SLF1: variants seen among roughly 807,000 people sequenced by gnomAD.
SLF1 encodes SMC5-SMC6 complex localization factor protein 1.
In SLF1, 105 loss-of-function variants were observed where a neutral mutation model predicts 123.0. The observed-to-expected ratio is 0.85, with a 90% confidence interval of 0.73 to 1.00. The LOEUF is 1.00. Ranked by LOEUF, SLF1 falls within the 50% of genes least tolerant of loss-of-function variation. The probability of loss-of-function intolerance (pLI) is 0.00; values close to 1 mark genes in which losing one functional copy is unlikely to be tolerated. For synonymous variants in SLF1, 434 were observed against 406.6 expected (o/e 1.07, Z -0.81); for missense variants, 1,239 against 1,223.0 (o/e 1.01, Z -0.20).
chr5:94,670,279 A>G lies in SLF1; in HGVS notation c.1661A>G (p.Lys554Arg). The G allele has an allele frequency of 6.8e-7, 1 of 1,474,066 alleles. No homozygotes were observed. The highest frequency in any genetic ancestry group is 1.4e-5 in the South Asian group (1 of 69,624). 91.3% of individuals were successfully genotyped at this position (1,474,066 alleles called of 1,614,324 possible). A position where few individuals can be genotyped will look rare whatever the true frequency, so the allele number is the denominator to read the frequency against. The part of the protein sequence containing the change: ...IESEVQHLSQ[K>R]LYDWSDSQNL... Reference sequence around the variant, plus strand: ...AGTGAAGTACAACATCTGAGTCAAAAGTAAGTTCTAATCGCAAGAATAACA... The same window carrying G: ...AGTGAAGTACAACATCTGAGTCAAAGGTAAGTTCTAATCGCAAGAATAACA... Residue 554 changes from lysine to arginine, a missense_variant and splice_region_variant, in exon 13 of 21, where the codon AAG becomes AGG. Lys to Arg is a conservative substitution (Grantham distance 26). Coordinates refer to ENST00000265140, the MANE Select transcript of SLF1 (RefSeq NM_032290.4).
intron 5 of SLF1, among the ~76,000 whole-genome samples, chr5:94,646,354 G>T (rs1747054812): frequency 6.6e-6 from 1 of 152,066 alleles, no homozygotes; most frequent in South Asian, 2.1e-4. Context: ...TGTATTTCAG[G>T]TTTATAGATA....
intron 1 of SLF1, among the ~76,000 whole-genome samples, chr5:94,627,063 C>T (rs924817301): frequency 3.3e-5 from 5 of 152,166 alleles, no homozygotes; most frequent in Admixed American, 6.5e-5. Flanking sequence ...ATATATATTA[C>T]ATTTACATGT....
intron 1 of SLF1, among the ~76,000 whole-genome samples, chr5:94,619,796 T>C (rs1232543251): frequency 1.3e-5 from 2 of 152,244 alleles, no homozygotes; most frequent in Non-Finnish European, 2.9e-5. Flanking sequence ...ATATTGCAGG[T>C]GTTCAATACC....
chr5:94,695,230 T>G lies in SLF1; in HGVS notation c.3095T>G (p.Leu1032Trp). ...PHILKELPENLKVCPGVHTEA... is the reference protein window; with the variant it reads ...PHILKELPENWKVCPGVHTEA... The stretch of plus-strand genomic sequence containing the variant: ...ATTCTTAAGGAACTGCCTGAGAATT[T>G]GAAAGTGTGTCCTGGGGTACACACT... The change falls in exon 21 of 21, where the codon TTG becomes TGG. Residue 1032 changes from leucine (L) to tryptophan (W), a missense_variant. Transcript: ENST00000265140. 6.2e-7 allele frequency: 1 copy of G among 1,612,612 alleles called. No homozygotes were observed. Among genetic ancestry groups the G allele is most frequent in the Non-Finnish European group, 8.5e-7 (1 of 1,178,942 alleles).
rs972888427 is a variant in SLF1 at position 94,665,846 on chromosome 5, A to G, written c.1369-15A>G. On this transcript the variant is annotated splice_polypyrimidine_tract_variant and intron_variant, in intron 11 of 20. Coordinates refer to ENST00000265140, the MANE Select transcript of SLF1 (RefSeq NM_032290.4). Reference sequence around the variant, plus strand: ...GCTATAGTGTTTTATTTGTTTGTTTATTTTTAAATAATAGGATAACATAGA... The same window carrying G: ...GCTATAGTGTTTTATTTGTTTGTTTGTTTTTAAATAATAGGATAACATAGA... 6 of 1,527,560 alleles carry G rather than the reference A, an allele frequency of 3.9e-6. No homozygotes were observed. Among genetic ancestry groups the G allele is most frequent in the African/African-American group, 2.8e-5 (2 of 72,418 alleles). 94.6% of individuals were successfully genotyped at this position (1,527,560 alleles called of 1,614,324 possible).
chr5:94,669,375 T>C (rs1750179723), intron 12 of SLF1, among the ~76,000 whole-genome samples: 1 of 152,120 alleles, frequency 6.6e-6, no homozygotes, highest in Non-Finnish European at 1.5e-5. Flanking sequence ...AAGTTATAAG[T>C]GCATTGTTGA....
In SLF1 at chr5:94,686,779, T is replaced by G. The variant is rs1169725987; in HGVS notation, c.2121+61T>G. ...AAGAAGTGAGTTCACAAACTCAATT[T>G]TATTTATTTAGTTATTTATTTATTT... is the stretch of plus-strand genomic sequence containing the variant. On this transcript the variant is annotated intron_variant, in intron 16 of 20. Coordinates refer to ENST00000265140, the MANE Select transcript of SLF1 (RefSeq NM_032290.4). 3 of 1,481,138 alleles carry G rather than the reference T, an allele frequency of 2.0e-6. No individual in the cohort carries two copies. In the African/African-American group the frequency reaches 4.4e-5, roughly 22 times the overall value. 91.7% of individuals were successfully genotyped at this position (1,481,138 alleles called of 1,614,324 possible). A position where few individuals can be genotyped will look rare whatever the true frequency, so the allele number is the denominator to read the frequency against.
At chr5:94,685,722 C>T (rs570519108) in intron 15 of SLF1, among the ~76,000 whole-genome samples, 1 of 151,920 alleles carries the variant, frequency 6.6e-6, no homozygotes, top group South Asian at 2.1e-4. Context: ...GTAGTCCCAG[C>T]TACTTGGGAG....
At chr5:94,656,052 T>C (rs149216105) in intron 9 of SLF1, among the ~76,000 whole-genome samples, 78 of 152,176 alleles carry the variant, frequency 5.1e-4, no homozygotes, top group African/African-American at 1.8e-3. Context: ...GCTTTCATGG[T>C]TTTCCCATTT....
chr5:94,656,355 G>T (rs1230934054), intron 9 of SLF1, among the ~76,000 whole-genome samples: 4 of 151,762 alleles, frequency 2.6e-5, no homozygotes, highest in South Asian at 4.2e-4. Context: ...TGATCATAGT[G>T]TACTGACTCT....
At chr5:94,628,967 A>T in intron 2 of SLF1, 43 bp downstream of exon 2, 1 of 1,442,282 alleles carries the variant, frequency 6.9e-7, no homozygotes, top group Non-Finnish European at 9.4e-7. Context: ...TTGAAAAATA[A>T]CTACAATTCA....
At chr5:94,675,919 T>C (rs1309539516) in intron 14 of SLF1, among the ~76,000 whole-genome samples, 1 of 151,338 alleles carries the variant, frequency 6.6e-6, no homozygotes, top group African/African-American at 2.4e-5. Flanking sequence ...TTTTTTTTTT[T>C]TTTTTTTAAA....
At chr5:94,652,507 G>A (rs1747856343) in intron 7 of SLF1, among the ~76,000 whole-genome samples, 1 of 152,090 alleles carries the variant, frequency 6.6e-6, no homozygotes, top group South Asian at 2.1e-4. Context: ...TTTTGCTAAT[G>A]TATATAAAAT....
In SLF1 at chr5:94,649,513, T is replaced by G; in HGVS notation, c.654T>G (p.Asn218Lys). ...QTNSVWTEHS[N>K]EETNKDFRKD... Reference sequence around the variant, plus strand: ...ATTCTGTTTGGACTGAACATAGCAATGAAGAAACAAACAAAGATTTCAGGA... The same window carrying G: ...ATTCTGTTTGGACTGAACATAGCAAGGAAGAAACAAACAAAGATTTCAGGA... Residue 218 changes from asparagine to lysine, a missense_variant, in exon 6 of 21, where the codon AAT becomes AAG. Coordinates refer to ENST00000265140, the MANE Select transcript of SLF1 (RefSeq NM_032290.4). The G allele has an allele frequency of 6.5e-7, 1 of 1,544,020 alleles. No individual in the cohort carries two copies. The highest frequency in any genetic ancestry group is 8.8e-7 in the Non-Finnish European group (1 of 1,141,642).
chr5:94,678,515 G>A (rs541619176), intron 14 of SLF1: 9 of 193,064 alleles, frequency 4.7e-5, no homozygotes, highest in African/African-American at 2.1e-4. Flanking sequence ...TATTTTAATG[G>A]AATTATTTCC....
rs550148252 is a variant in SLF1, at chr5:94,695,241, C to T, written c.3106C>T (p.Pro1036Ser). Residue 1036 changes from proline to serine, a missense_variant, in exon 21 of 21, where the codon CCT becomes TCT. By Grantham distance (74) the Pro-to-Ser change is moderately conservative. Coordinates refer to ENST00000265140, the MANE Select transcript of SLF1 (RefSeq NM_032290.4). ...ACTGCCTGAGAATTTGAAAGTGTGTCCTGGGGTACACACTGAGGCCTTGAT... is the reference window on the plus strand; with the variant it reads ...ACTGCCTGAGAATTTGAAAGTGTGTTCTGGGGTACACACTGAGGCCTTGAT... ...KELPENLKVC[P>S]GVHTEALMIT... The T allele has an allele frequency of 1.9e-6, 3 of 1,612,042 alleles. No individual in the cohort carries two copies. In the African/African-American group the frequency reaches 4.0e-5, roughly 22 times the overall value.
chr5:94,692,057 C>G lies in SLF1; in HGVS notation c.2513-17C>G, dbSNP rs1405612572. The G allele has an allele frequency of 1.7e-5, 27 of 1,610,638 alleles. 1 individual carries two copies. In the East Asian group the frequency reaches 5.6e-4, roughly 33 times the overall value. ...CTACTTCTGCTGTTTTAAAACTTGC[C>G]TTGATTTCTAATTTAGACAATGCTG... On this transcript the variant is annotated splice_polypyrimidine_tract_variant and intron_variant, in intron 19 of 20. Transcript: ENST00000265140.
intron 1 of SLF1, among the ~76,000 whole-genome samples, chr5:94,623,986 A>T (rs1270952971): frequency 6.6e-6 from 1 of 152,196 alleles, no homozygotes; most frequent in Non-Finnish European, 1.5e-5. Context: ...AAGCATTGCT[A>T]AATGTATTAT....
Position 94,696,104 on chromosome 5 carries a change from A to G in SLF1, c.*792A>G, listed in dbSNP as rs1159739733. On this transcript the variant is annotated 3_prime_UTR_variant, in exon 21 of 21. Transcript: ENST00000265140. The stretch of plus-strand genomic sequence containing the variant: ...ATTATTTAAGATCTTAATATATAGT[A>G]TGAATTTACTGAGTAGTAATGTTTT... 6.6e-6 allele frequency: 1 copy of G among 151,936 alleles called. No homozygotes were observed. The highest frequency in any genetic ancestry group is 2.4e-5 in the African/African-American group (1 of 41,526). 9.4% of individuals were successfully genotyped at this position (151,936 alleles called of 1,614,324 possible). A position where few individuals can be genotyped will look rare whatever the true frequency, so the allele number is the denominator to read the frequency against.
Sources: allele counts gnomAD v4.1 joint callset (sites outside exome capture counted in the v4.1 genomes callset), GRCh38; gene constraint gnomAD v4.1.1; transcripts MANE v1.5; gene names NCBI Gene and HGNC (gene_info 2026-07-23, HGNC 2026-07-21).